LRFN5: variants seen among roughly 807,000 people sequenced by gnomAD.
The protein encoded by LRFN5 is leucine rich repeat and fibronectin type III domain containing 5.
Under a neutral mutation model 45.6 loss-of-function variants are expected in LRFN5, and 24 were observed. The observed-to-expected ratio is 0.53, with a 90% confidence interval of 0.38 to 0.74. LRFN5 has a LOEUF of 0.74. Ranked by LOEUF, LRFN5 falls within the 30% of genes least tolerant of loss-of-function variation. The probability of loss-of-function intolerance (pLI) is 0.00; values close to 1 mark genes in which losing one functional copy is unlikely to be tolerated. For missense variants in LRFN5, 776 were observed against 861.5 expected, an observed-to-expected ratio of 0.90 and a Z score of 1.24; for synonymous variants, 340 against 313.8, an observed-to-expected ratio of 1.08 and a Z score of -0.88.
At chr14:41,696,381 AAAG>A (rs1882610119) in intron 1 of LRFN5, among the ~76,000 whole-genome samples, 1 of 151,976 alleles carries the variant, frequency 6.6e-6, no homozygotes, top group Non-Finnish European at 1.5e-5. Flanking sequence ...TCCAACTTTG[AAAG>A]AAGTTCTGTT....
chr14:41,693,190 A>G (rs1882457017), intron 1 of LRFN5, among the ~76,000 whole-genome samples: 1 of 152,194 alleles, frequency 6.6e-6, no homozygotes, highest in Non-Finnish European at 1.5e-5. Flanking sequence ...TAATGTTTAA[A>G]TATTTTTGGA....
At chr14:41,719,580 C>T (rs1286278121) in intron 1 of LRFN5, among the ~76,000 whole-genome samples, 1 of 152,016 alleles carries the variant, frequency 6.6e-6, no homozygotes, top group African/African-American at 2.4e-5. Context: ...CTTCAGATTA[C>T]CTCTAATGCA....
At chr14:41,691,284 A>G (rs1285665696) in intron 1 of LRFN5, among the ~76,000 whole-genome samples, 2 of 151,942 alleles carry the variant, frequency 1.3e-5, no homozygotes, top group South Asian at 2.1e-4. Context: ...ATTTACATCT[A>G]TTCCTTATAA....
rs1566504870 is a variant in LRFN5 at position 41,886,629 on chromosome 14, G to C, written c.4G>C (p.Glu2Gln). 6.4e-7 allele frequency: 1 copy of C among 1,573,952 alleles called. No homozygotes were observed. Among genetic ancestry groups the C allele is most frequent in the Non-Finnish European group, 8.6e-7 (1 of 1,165,150 alleles). Residue 2 changes from glutamate to glutamine, a missense_variant, in exon 3 of 6, where the codon GAA becomes CAA. Glu to Gln is a conservative substitution (Grantham distance 29). This residue lies in a region of LRFN5 where 311 missense variants were observed against 405.1 expected (regional missense o/e 0.77). Coordinates refer to ENST00000298119, the MANE Select transcript of LRFN5 (RefSeq NM_152447.5). ...AGGCTCTTAAACCTGATCTACAATG[G>C]AAAAAATTCTTTTTTATCTGTTTCT... M[E>Q]KILFYLFLIG...
intron 1 of LRFN5, among the ~76,000 whole-genome samples, chr14:41,739,385 AATC>A (rs60722886): frequency 0.049 from 7,319 of 148,376 alleles, 416 homozygotes; most frequent in East Asian, 0.3. Context: ...ACATTGTGTC[AATC>A]ATCATCATCA....
At chr14:41,634,488 C>T (rs144349634) in intron 1 of LRFN5, among the ~76,000 whole-genome samples, 77 of 152,222 alleles carry the variant, frequency 5.1e-4, no homozygotes, top group Non-Finnish European at 8.4e-4. Context: ...TGGCTAGACA[C>T]GAGATCTTCT....
intron 1 of LRFN5, among the ~76,000 whole-genome samples, chr14:41,719,960 C>A (rs1446815593): frequency 6.6e-6 from 1 of 151,898 alleles, no homozygotes; most frequent in African/African-American, 2.4e-5. Flanking sequence ...TCTGTATGTA[C>A]TGATTTACTT....
intron 2 of LRFN5, among the ~76,000 whole-genome samples, chr14:41,830,515 A>G (rs1370544440): frequency 6.6e-6 from 1 of 152,218 alleles, no homozygotes; most frequent in African/African-American, 2.4e-5. Flanking sequence ...ATATTTTCAT[A>G]AATACACCCT....
rs767440798 is a variant in LRFN5, at chr14:41,833,498, G to A, written c.-20-53108G>A. On this transcript the variant is annotated intron_variant, in intron 2 of 5. Coordinates refer to ENST00000298119, the MANE Select transcript of LRFN5 (RefSeq NM_152447.5). ...TGAGTTACAGAAAATTCACACCTCG[G>A]TTTATCTCTTTCAAGGCAAAGTTAC... 2.6e-5 allele frequency among the ~76,000 whole-genome samples: 4 copies of A among 152,254 alleles called. No individual in the cohort carries two copies. The East Asian group carries it at 5.8e-4, about 22-fold the overall frequency.
At chr14:41,697,292 T>C (rs992639237) in intron 1 of LRFN5, among the ~76,000 whole-genome samples, 3 of 151,888 alleles carry the variant, frequency 2.0e-5, no homozygotes, top group African/African-American at 7.2e-5. Flanking sequence ...TAAATTTTGC[T>C]TTTTAATTTT....
chr14:41,709,569 C>T (rs1164867549), intron 1 of LRFN5, among the ~76,000 whole-genome samples: 1 of 151,822 alleles, frequency 6.6e-6, no homozygotes, highest in Non-Finnish European at 1.5e-5. Flanking sequence ...AATATCTTAC[C>T]TGCCAGTCCT....
chr14:41,778,639 G>A (rs999846725), intron 2 of LRFN5, among the ~76,000 whole-genome samples: 4 of 151,724 alleles, frequency 2.6e-5, no homozygotes, highest in Non-Finnish European at 5.9e-5. Context: ...ACTACAATGT[G>A]AAGAACTATG....
At position 41,670,256 on chromosome 14, in the gene LRFN5, GATATATATATATATATATAT is replaced by G. The variant is rs1165968461; in HGVS notation, c.-197+61724_-197+61743del. Among the ~76,000 whole-genome samples the G allele has an allele frequency of 2.5e-3, 115 of 45,736 alleles. 1 individual carries two copies. The highest frequency in any genetic ancestry group is 3.3e-3 in the Admixed American group (11 of 3,332). 30.0% of individuals were successfully genotyped at this position (45,736 alleles called of 152,430 possible). A position where few individuals can be genotyped will look rare whatever the true frequency, so the allele number is the denominator to read the frequency against. On this transcript the variant is annotated intron_variant, in intron 1 of 5. Coordinates refer to ENST00000298119, the MANE Select transcript of LRFN5 (RefSeq NM_152447.5). Reference sequence around the variant, plus strand: ...ACACACACACACACACATACACACAGATATATATATATATATATATATATATATATATATATATATATATA... The same window carrying G: ...ACACACACACACACACATACACACAGATATATATATATATATATATATATA...
chr14:41,741,008 T>A (rs1305000235), intron 1 of LRFN5, among the ~76,000 whole-genome samples: 1 of 149,934 alleles, frequency 6.7e-6, no homozygotes, highest in Non-Finnish European at 1.5e-5. Flanking sequence ...TATTTAGGAA[T>A]ACATTTAACT....
Position 41,858,936 on chromosome 14 carries a change from C to A in LRFN5, c.-20-27670C>A, listed in dbSNP as rs954265436. 2.0e-5 allele frequency among the ~76,000 whole-genome samples: 3 copies of A among 152,136 alleles called. No homozygotes were observed. In the East Asian group the frequency reaches 5.8e-4, roughly 29 times the overall value. On this transcript the variant is annotated intron_variant, in intron 2 of 5. Coordinates refer to ENST00000298119, the MANE Select transcript of LRFN5 (RefSeq NM_152447.5). Reference sequence around the variant, plus strand: ...CCAAATGGTTCCCATACAAATCCTGCCCTGGAGTAATGGTCTATGTGGTCT... The same window carrying A: ...CCAAATGGTTCCCATACAAATCCTGACCTGGAGTAATGGTCTATGTGGTCT...
intron 2 of LRFN5, among the ~76,000 whole-genome samples, chr14:41,799,316 T>C (rs1806835698): frequency 6.6e-6 from 1 of 152,026 alleles, no homozygotes; most frequent in African/African-American, 2.4e-5. Context: ...TTTCCACTTT[T>C]TGCCTGGGAA....
chr14:41,808,887 A>C (rs114043966), intron 2 of LRFN5, among the ~76,000 whole-genome samples: 1 of 152,040 alleles, frequency 6.6e-6, no homozygotes, highest in African/African-American at 2.4e-5. Flanking sequence ...TGCATTGTGC[A>C]TTTGATTATA....
At chr14:41,776,631 A>G (rs956794732) in intron 2 of LRFN5, among the ~76,000 whole-genome samples, 1 of 152,066 alleles carries the variant, frequency 6.6e-6, no homozygotes, top group Non-Finnish European at 1.5e-5. Flanking sequence ...ACAAAGAGGA[A>G]TTTTCATAAA....
At chr14:41,688,033 GATT>G (rs1402490951) in intron 1 of LRFN5, among the ~76,000 whole-genome samples, 1 of 152,174 alleles carries the variant, frequency 6.6e-6, no homozygotes, top group African/African-American at 2.4e-5. Context: ...TGGACCTGAA[GATT>G]ATTATGTTAA....
Sources: allele counts gnomAD v4.1 joint callset (sites outside exome capture counted in the v4.1 genomes callset), GRCh38; gene constraint gnomAD v4.1.1; regional missense constraint gnomAD v4.1.1; transcripts MANE v1.5; gene names NCBI Gene and HGNC (gene_info 2026-07-23, HGNC 2026-07-21).